The following DOK6 variants were observed in gnomAD, a reference collection of about 807,000 sequenced individuals.
DOK6 encodes the protein docking protein 6.
In DOK6, 22 loss-of-function variants were observed where a neutral mutation model predicts 44.0. The observed-to-expected ratio is 0.50, with a 90% CI of 0.36 to 0.71. The LOEUF (loss-of-function observed/expected upper bound fraction) is 0.71, where lower values mean the gene tolerates loss of function less well. Ranked by LOEUF, DOK6 falls within the 30% of genes least tolerant of loss-of-function variation. The probability of loss-of-function intolerance (pLI) is 0.00; values close to 1 mark genes in which losing one functional copy is unlikely to be tolerated. For missense variants in DOK6, 340 were observed against 416.4 expected (o/e 0.82, Z 1.60); for synonymous variants, 166 against 145.5 (o/e 1.14, Z -1.01).
At chr18:69,835,792 A>T (rs1428431338) in intron 7 of DOK6, among the ~76,000 whole-genome samples, 11 of 152,112 alleles carry the variant, frequency 7.2e-5, no homozygotes, top group African/African-American at 2.4e-4. Flanking sequence ...TTTGTTATTT[A>T]TAGGGACAGT....
intron 1 of DOK6, among the ~76,000 whole-genome samples, chr18:69,409,562 C>T (rs1978297913): frequency 6.6e-6 from 1 of 152,300 alleles, no homozygotes; most frequent in Non-Finnish European, 1.5e-5. Context: ...AATGCACTCC[C>T]CACCTCTGCA....
At chr18:69,687,225 A>G (rs190209179) in intron 4 of DOK6, among the ~76,000 whole-genome samples, 6 of 152,340 alleles carry the variant, frequency 3.9e-5, no homozygotes, top group Admixed American at 2.6e-4. Flanking sequence ...ACCCTGACCA[A>G]TGTTGGCGTA....
At chr18:69,449,291 G>C (rs1979385824) in intron 1 of DOK6, among the ~76,000 whole-genome samples, 1 of 152,144 alleles carries the variant, frequency 6.6e-6, no homozygotes, top group Non-Finnish European at 1.5e-5. Flanking sequence ...TACAATGTGA[G>C]AAACCTTTGC....
chr18:69,689,299 T>C (rs1169044409), intron 4 of DOK6, among the ~76,000 whole-genome samples: 2 of 152,214 alleles, frequency 1.3e-5, no homozygotes, highest in African/African-American at 4.8e-5. Flanking sequence ...ACGTAAGATA[T>C]GAACATTCCA....
Position 69,669,043 on chromosome 18 carries a change from TCTA to T in DOK6, c.290-8688_290-8686del, listed in dbSNP as rs1985730707. On this transcript the variant is annotated intron_variant, in intron 3 of 7. Coordinates refer to ENST00000382713, the MANE Select transcript of DOK6 (RefSeq NM_152721.6). ...CATGTTACTTACAGGACCCTAATCTTCTACTTTTTCTTCTTTTCCCTCTACCAC... is the reference window on the plus strand; with the variant it reads ...CATGTTACTTACAGGACCCTAATCTTCTTTTTCTTCTTTTCCCTCTACCAC... Among the ~76,000 whole-genome samples, 3 of 152,306 alleles carry T rather than the reference TCTA, an allele frequency of 2.0e-5. No individual in the cohort carries two copies. The South Asian group carries it at 6.2e-4, about 32-fold the overall frequency.
chr18:69,582,813 C>A (rs919303392), intron 2 of DOK6, among the ~76,000 whole-genome samples: 2 of 151,886 alleles, frequency 1.3e-5, no homozygotes, highest in African/African-American at 4.8e-5. Flanking sequence ...ATGATATAAC[C>A]CTTATTCTGT....
At chr18:69,835,599 C>CCATGCTTACA (rs776191663) in intron 7 of DOK6, among the ~76,000 whole-genome samples, 4 of 152,206 alleles carry the variant, frequency 2.6e-5, no homozygotes, top group Non-Finnish European at 5.9e-5. Context: ...CACCATCCAT[C>CCATGCTTACA]CATGCTTACA....
At chr18:69,699,283 T>G (rs1195483486) in intron 5 of DOK6, among the ~76,000 whole-genome samples, 1 of 152,208 alleles carries the variant, frequency 6.6e-6, no homozygotes, top group Non-Finnish European at 1.5e-5. Flanking sequence ...GTACATGATT[T>G]ATCACATTCT....
intron 1 of DOK6, among the ~76,000 whole-genome samples, chr18:69,418,146 A>T (rs1978389033): frequency 1.3e-5 from 2 of 152,116 alleles, no homozygotes; most frequent in African/African-American, 2.4e-5. Context: ...AGTGTCCTGG[A>T]GCATTTCCCT....
At chr18:69,715,989 G>A (rs1014652589) in intron 5 of DOK6, among the ~76,000 whole-genome samples, 5 of 152,178 alleles carry the variant, frequency 3.3e-5, no homozygotes, top group African/African-American at 7.2e-5. Flanking sequence ...AAAACCATTC[G>A]TTATTCTGCT....
intron 1 of DOK6, among the ~76,000 whole-genome samples, chr18:69,442,000 C>T (rs140096832): frequency 2.0e-3 from 305 of 152,146 alleles, no homozygotes; most frequent in African/African-American, 6.8e-3. Flanking sequence ...ATGGTTACCC[C>T]GGAACATGCA....
At chr18:69,403,962 G>A (rs904043116) in intron 1 of DOK6, among the ~76,000 whole-genome samples, 1 of 152,110 alleles carries the variant, frequency 6.6e-6, no homozygotes, top group Non-Finnish European at 1.5e-5. Context: ...ATGAGTTTTT[G>A]TGATTTATGT....
At chr18:69,712,505 T>C (rs1056365739) in intron 5 of DOK6, among the ~76,000 whole-genome samples, 2 of 152,016 alleles carry the variant, frequency 1.3e-5, no homozygotes, top group African/African-American at 2.4e-5. Flanking sequence ...TGTATAAATG[T>C]ATATAATCCA....
chr18:69,634,799 A>G (rs10401109), intron 3 of DOK6, among the ~76,000 whole-genome samples: 119,233 of 152,050 alleles, frequency 0.78, 49,173 homozygotes, highest in Non-Finnish European at 0.93. Context: ...CAAAAACAAG[A>G]CAGGGTAAGA....
At chr18:69,540,091 G>C (rs1479044079) in intron 1 of DOK6, among the ~76,000 whole-genome samples, 1 of 152,068 alleles carries the variant, frequency 6.6e-6, no homozygotes, top group African/African-American at 2.4e-5. Flanking sequence ...AACAGCATGG[G>C]GGAAACTGCC....
At chr18:69,637,400 T>C (rs946322910) in intron 3 of DOK6, among the ~76,000 whole-genome samples, 1 of 152,182 alleles carries the variant, frequency 6.6e-6, no homozygotes, top group Non-Finnish European at 1.5e-5. Context: ...AAAAGATACT[T>C]TTATCCTTAT....
At chr18:69,516,685 T>TC (rs1047954969) in intron 1 of DOK6, among the ~76,000 whole-genome samples, 1 of 151,708 alleles carries the variant, frequency 6.6e-6, no homozygotes, top group Non-Finnish European at 1.5e-5. Context: ...TACTATACTT[T>TC]TTTTTTTCTT....
At chr18:69,674,531 C>G (rs902895717) in intron 3 of DOK6, among the ~76,000 whole-genome samples, 1 of 152,114 alleles carries the variant, frequency 6.6e-6, no homozygotes, top group Non-Finnish European at 1.5e-5. Flanking sequence ...AACACACACT[C>G]ATACACTCAC....
Position 69,629,181 on chromosome 18 carries a change from A to T in DOK6, c.289+29683A>T, listed in dbSNP as rs1043248862. On this transcript the variant is annotated intron_variant, in intron 3 of 7. Coordinates refer to ENST00000382713, the MANE Select transcript of DOK6 (RefSeq NM_152721.6). ...TCTGAGAGAGTTCAGGCAGCTTCATATCTATGCAGAGGTTCATTTGTATGG... is the reference window on the plus strand; with the variant it reads ...TCTGAGAGAGTTCAGGCAGCTTCATTTCTATGCAGAGGTTCATTTGTATGG... 3.3e-5 allele frequency among the ~76,000 whole-genome samples: 5 copies of T among 152,306 alleles called. No individual in the cohort carries two copies. In the East Asian group the frequency reaches 7.7e-4, roughly 24 times the overall value.
Sources: allele counts gnomAD v4.1 joint callset (sites outside exome capture counted in the v4.1 genomes callset), GRCh38; gene constraint gnomAD v4.1.1; transcripts MANE v1.5; gene names NCBI Gene and HGNC (gene_info 2026-07-23, HGNC 2026-07-21).